Variants in TXLNG observed in about 807,000 individuals in gnomAD.
The protein encoded by TXLNG is taxilin gamma, also known as gamma-taxilin.
A neutral mutation model predicts 38.8 loss-of-function variants in TXLNG; 5 were observed. The ratio of observed to expected loss-of-function variants is 0.13; its 90% confidence interval spans 0.07 to 0.27. TXLNG has a LOEUF of 0.27. Ranked by LOEUF, TXLNG falls within the 10% of genes least tolerant of loss-of-function variation. The probability of loss-of-function intolerance (pLI) is 1.00; values close to 1 mark genes in which losing one functional copy is unlikely to be tolerated. For missense variants in TXLNG, 393 were observed against 398.2 expected, an observed-to-expected ratio of 0.99 and a Z score of 0.11; for synonymous variants, 182 against 158.2, an observed-to-expected ratio of 1.15 and a Z score of -1.13.
intron 1 of TXLNG, among the ~76,000 whole-genome samples, chrX:16,809,671 C>T (rs1168441128): frequency 9.0e-6 from 1 of 110,784 alleles, no homozygotes; most frequent in Non-Finnish European, 1.9e-5. Flanking sequence ...TATTTTCTTC[C>T]AGCACTTCTC....
intron 1 of TXLNG, among the ~76,000 whole-genome samples, chrX:16,813,812 C>T (rs928209459): frequency 7.2e-5 from 8 of 111,242 alleles, no homozygotes; most frequent in Non-Finnish European, 1.1e-4. Context: ...ATTGGCCGGG[C>T]GCCGTGGCTC....
Position 16,786,568 on chromosome X carries a change from G to T in TXLNG, c.81G>T (p.Arg27=). The change falls in exon 1 of 10, where the codon CGG becomes CGT. Residue 27 remains arginine, a synonymous_variant. Transcript: ENST00000380122. ...CGACTGAGGCCGGACGGGGCGGACG[G>T]CGACGCAGCCCGCGGCAGAAGGTCA... The part of the protein sequence containing the change: ...EEATEAGRGG[R]RRSPRQKFEI... 9.3e-7 allele frequency: 1 copy of T among 1,076,983 alleles called. No homozygotes were observed. The allele number at this position is 1,076,983 out of a possible 1,213,427, so 88.8% of individuals were successfully genotyped here.
intron 8 of TXLNG, among the ~76,000 whole-genome samples, chrX:16,837,941 G>GT (rs1011607285): frequency 1.8e-5 from 2 of 111,459 alleles, no homozygotes; most frequent in Non-Finnish European, 1.9e-5. Flanking sequence ...TAAAGTGGTG[G>GT]TTTTTTTGGT....
intron 3 of TXLNG, among the ~76,000 whole-genome samples, chrX:16,822,864 G>A (rs3788873): frequency 0.089 from 9,880 of 111,297 alleles, 421 homozygotes; most frequent in East Asian, 0.25. Flanking sequence ...TGGGGCCTGA[G>A]GATCTGCATT....
At chrX:16,837,754 C>G in intron 8 of TXLNG, 69 bp downstream of exon 8, 1 of 830,670 alleles carries the variant, frequency 1.2e-6, no homozygotes, top group South Asian at 3.0e-5. Context: ...AGTGTGATTA[C>G]TATTTTGCTG....
intron 1 of TXLNG, among the ~76,000 whole-genome samples, chrX:16,804,344 T>G (rs1928239532): frequency 8.9e-6 from 1 of 112,095 alleles, no homozygotes; most frequent in Non-Finnish European, 1.9e-5. Context: ...ACATTTAGGT[T>G]GTTTTCTGGT....
intron 1 of TXLNG, among the ~76,000 whole-genome samples, chrX:16,793,647 CT>C (rs1221792480): frequency 2.8e-4 from 29 of 102,703 alleles, no homozygotes; most frequent in East Asian, 1.2e-3. Context: ...TGTAAAATAT[CT>C]TTTTTTTTTT....
rs761206028 is a variant in TXLNG at position 16,841,416 on chromosome X, T to G, written c.1249-12T>G. The G allele has an allele frequency of 1.7e-6, 2 of 1,177,425 alleles. No individual in the cohort carries two copies. The highest frequency in any genetic ancestry group is 3.8e-5 in the South Asian group (2 of 52,562). ...TTTAACAGGGTTACAGAAATCCTCT[T>G]TTTTCTTACAGAAAACAGTCCGTGA... is the stretch of plus-strand genomic sequence containing the variant. On this transcript the variant is annotated splice_polypyrimidine_tract_variant and intron_variant, in intron 9 of 9. Transcript: ENST00000380122.
chrX:16,837,625 C>T lies in TXLNG; in HGVS notation c.1092C>T (p.Phe364=). The change falls in exon 8 of 10, where the codon TTC becomes TTT. Residue 364 remains phenylalanine (F), a synonymous_variant. Transcript: ENST00000380122. ...LSLYMDKFEE[F]QTTMAKSNEL... ...TTTATATGGATAAGTTTGAAGAATT[C>T]CAGACTACCATGGCAAAAAGCAATG... The T allele has an allele frequency of 8.3e-7, 1 of 1,206,332 alleles. No individual in the cohort carries two copies. Among genetic ancestry groups the T allele is most frequent in the South Asian group, 1.8e-5 (1 of 55,797 alleles).
intron 1 of TXLNG, among the ~76,000 whole-genome samples, chrX:16,816,911 G>A (rs760770652): frequency 8.9e-6 from 1 of 112,174 alleles, no homozygotes; most frequent in Non-Finnish European, 1.9e-5. Flanking sequence ...CAAAGTGAAT[G>A]TGTCACCTCA....
intron 1 of TXLNG, among the ~76,000 whole-genome samples, chrX:16,794,789 T>C (rs2147460231): frequency 9.0e-6 from 1 of 111,707 alleles, no homozygotes; most frequent in East Asian, 2.8e-4. Flanking sequence ...GCCCCTGTCC[T>C]GTAAATAGAT....
chrX:16,802,906 C>G (rs1270833622), intron 1 of TXLNG, among the ~76,000 whole-genome samples: 1 of 105,549 alleles, frequency 9.5e-6, no homozygotes, highest in South Asian at 4.3e-4. Context: ...CTGCAGCCTC[C>G]GTCTCCCAGG....
rs762759463 is a variant in TXLNG, at chrX:16,829,738, A to C, written c.832A>C (p.Lys278Gln). 7 of 1,210,410 alleles carry C rather than the reference A, an allele frequency of 5.8e-6. No homozygotes were observed. In the African/African-American group the frequency reaches 7.0e-5, roughly 12 times the overall value. The change falls in exon 5 of 10, where the codon AAG becomes CAG. Residue 278 changes from lysine to glutamine, a missense_variant. Coordinates refer to ENST00000380122, the MANE Select transcript of TXLNG (RefSeq NM_018360.3). ...CATTGAGCTGGGGGAGAAGCTAAAG[A>C]AGCTCATCGAACAGTACGCACTGAG... ...ENIELGEKLK[K>Q]LIEQYALREE...
intron 3 of TXLNG, among the ~76,000 whole-genome samples, chrX:16,823,458 CAAAAAAAAAAAAAAAAAA>C (rs11311011): frequency 8.0e-5 from 2 of 24,946 alleles, no homozygotes; most frequent in South Asian, 6.1e-3. Flanking sequence ...AACTCTGTCT[CAAAAAAAAAAAAAAAAAA>C]AAAAAAAAGT....
At chrX:16,840,295 C>G in intron 9 of TXLNG, 1 of 217,212 alleles carries the variant, frequency 4.6e-6, no homozygotes, top group Non-Finnish European at 6.7e-6. Flanking sequence ...GGCTGAGTCA[C>G]TAGTTCTTGG....
intron 1 of TXLNG, among the ~76,000 whole-genome samples, chrX:16,807,500 A>G (rs1928375542): frequency 9.0e-6 from 1 of 110,999 alleles, no homozygotes; most frequent in Non-Finnish European, 1.9e-5. Flanking sequence ...GAGTTACTTA[A>G]TCTCGTCAAG....
At chrX:16,810,086 T>C (rs1033484505) in intron 1 of TXLNG, among the ~76,000 whole-genome samples, 83 of 112,122 alleles carry the variant, frequency 7.4e-4, no homozygotes, top group African/African-American at 2.6e-3. Context: ...TTACATGCCA[T>C]AGTTTGCTCA....
At chrX:16,826,384 T>G (rs931888803) in intron 3 of TXLNG, among the ~76,000 whole-genome samples, 1 of 112,334 alleles carries the variant, frequency 8.9e-6, no homozygotes, top group African/African-American at 3.2e-5. Context: ...ACTCTTGCTC[T>G]TCAAATTGTG....
chrX:16,788,071 T>C (rs1355118990), intron 1 of TXLNG, among the ~76,000 whole-genome samples: 1 of 112,348 alleles, frequency 8.9e-6, no homozygotes, highest in Non-Finnish European at 1.9e-5. Flanking sequence ...TGTGGACCAA[T>C]GTCCTGTAAG....
Sources: allele counts gnomAD v4.1 joint callset (sites outside exome capture counted in the v4.1 genomes callset), GRCh38; gene constraint gnomAD v4.1.1; transcripts MANE v1.5; gene names NCBI Gene and HGNC (gene_info 2026-07-23, HGNC 2026-07-21).